FAM193A: variants seen among roughly 807,000 people sequenced by gnomAD.
FAM193A encodes the protein family with sequence similarity 193 member A.
FAM193A carries 22 observed loss-of-function variants against 126.5 expected under a neutral mutation model. The ratio of observed to expected loss-of-function variants is 0.17; its 90% CI spans 0.12 to 0.25. The LOEUF (loss-of-function observed/expected upper bound fraction) is 0.25. FAM193A is among the 10% of genes least tolerant of loss of function. The pLI, the probability that FAM193A is intolerant of heterozygous loss-of-function variation, is 1.00. For missense variants in FAM193A, 1,675 were observed against 1,672.8 expected (o/e 1.00, Z -0.02); for synonymous variants, 761 against 646.8 (o/e 1.18, Z -2.68).
At chr4:2,559,578 G>A (rs1049945913) in intron 1 of FAM193A, among the ~76,000 whole-genome samples, 1 of 152,126 alleles carries the variant, frequency 6.6e-6, no homozygotes, top group Non-Finnish European at 1.5e-5. Context: ...TTACAGGCGT[G>A]AGCCACTTTG....
intron 1 of FAM193A, among the ~76,000 whole-genome samples, chr4:2,595,000 G>A (rs1740780664): frequency 6.7e-6 from 1 of 149,770 alleles, no homozygotes; most frequent in South Asian, 2.1e-4. Context: ...AGCTAATTTT[G>A]TGTTTTTAAT....
intron 13 of FAM193A, among the ~76,000 whole-genome samples, chr4:2,684,685 G>A (rs1313266839): frequency 6.6e-6 from 1 of 152,176 alleles, no homozygotes; most frequent in African/African-American, 2.4e-5. Context: ...AGGGCCTCCA[G>A]ACTGCTGCCC....
At chr4:2,566,841 G>C (rs1456284444) in intron 1 of FAM193A, among the ~76,000 whole-genome samples, 1 of 152,002 alleles carries the variant, frequency 6.6e-6, no homozygotes, top group Non-Finnish European at 1.5e-5. Context: ...ATAGTGTCTT[G>C]AACTTATTAA....
chr4:2,555,779 A>G (rs1738218338), intron 1 of FAM193A, among the ~76,000 whole-genome samples: 4 of 145,080 alleles, frequency 2.8e-5, no homozygotes, highest in Admixed American at 2.7e-4. Flanking sequence ...CACCACACCC[A>G]GAGAATTTTT....
intron 17 of FAM193A, 140 bp from the exon 18 acceptor site, chr4:2,696,223 C>A: frequency 1.6e-6 from 1 of 616,292 alleles, no homozygotes. Flanking sequence ...TCTTTTTCTG[C>A]TGGTTGTTGT....
At chr4:2,613,544 C>G (rs545589059) in intron 2 of FAM193A, among the ~76,000 whole-genome samples, 2 of 151,566 alleles carry the variant, frequency 1.3e-5, no homozygotes, top group African/African-American at 4.9e-5. Context: ...ACCTCTGCCT[C>G]CTGGGTTCAA....
chr4:2,632,736 A>G (rs372359911), intron 5 of FAM193A, among the ~76,000 whole-genome samples: 5 of 152,102 alleles, frequency 3.3e-5, no homozygotes, highest in Non-Finnish European at 5.9e-5. Flanking sequence ...GTCTGAGTCC[A>G]CTGGGTAGTG....
Position 2,693,658 on chromosome 4 carries a change from C to A in FAM193A, c.2876C>A (p.Thr959Lys). 2 of 1,614,216 alleles carry A rather than the reference C, an allele frequency of 1.2e-6. No homozygotes were observed. The highest frequency in any genetic ancestry group is 8.5e-7 in the Non-Finnish European group (1 of 1,180,016). Residue 959 changes from threonine to lysine, a missense_variant, in exon 16 of 21, where the codon ACG (threonine) becomes AAG (lysine). Physicochemically the swap from Thr to Lys is moderately conservative, Grantham distance 78. This residue lies in a region of FAM193A where 1,186 missense variants were observed against 1,109.2 expected (regional missense o/e 1.07). Transcript: ENST00000637812. ...CCAGCCGCCCCGAGGAATAGCCCCACGGGCTTGGCCCCCCTCCCAGCGCTC... is the reference window on the plus strand; with the variant it reads ...CCAGCCGCCCCGAGGAATAGCCCCAAGGGCTTGGCCCCCCTCCCAGCGCTC... ...SAPAAPRNSPTGLAPLPALSP... is the reference protein window; with the variant it reads ...SAPAAPRNSPKGLAPLPALSP...
At position 2,590,463 on chromosome 4, in the gene FAM193A, C is replaced by CAAAAAAAAAAAAAAA. The variant is rs774897240; in HGVS notation, c.256-5609_256-5608insAAAAAAAAAAAAAAA. ...CTGGTGACAGAGCGAGACTCCATCT[C>CAAAAAAAAAAAAAAA]AAAAAAAAAAAACAAAAAAAAACAA... On this transcript the variant is annotated intron_variant, in intron 1 of 20. Coordinates refer to ENST00000637812, the MANE Select transcript of FAM193A (RefSeq NM_001366318.2). 2.2e-4 allele frequency among the ~76,000 whole-genome samples: 3 copies of CAAAAAAAAAAAAAAA among 13,560 alleles called. 1 individual carries two copies. Among genetic ancestry groups the CAAAAAAAAAAAAAAA allele is most frequent in the Non-Finnish European group, 4.2e-4 (3 of 7,110 alleles). 8.9% of individuals were successfully genotyped at this position (13,560 alleles called of 152,430 possible). A position where few individuals can be genotyped will look rare whatever the true frequency, so the allele number is the denominator to read the frequency against.
chr4:2,568,597 C>T (rs1739106021), intron 1 of FAM193A, among the ~76,000 whole-genome samples: 1 of 152,144 alleles, frequency 6.6e-6, no homozygotes, highest in African/African-American at 2.4e-5. Flanking sequence ...AGAGGCCAGC[C>T]AATTTCGTCT....
chr4:2,726,460 A>G (rs1287971607), intron 20 of FAM193A, among the ~76,000 whole-genome samples: 1 of 152,076 alleles, frequency 6.6e-6, no homozygotes, highest in Non-Finnish European at 1.5e-5. Context: ...GTTTCAGGGA[A>G]AAAAAAGGGA....
chr4:2,666,313 C>T (rs529338208), intron 12 of FAM193A, among the ~76,000 whole-genome samples: 1 of 152,224 alleles, frequency 6.6e-6, no homozygotes, highest in East Asian at 1.9e-4. Context: ...TGTGTCACAT[C>T]AGTTGATTTA....
intron 2 of FAM193A, chr4:2,608,060 G>A: frequency 1.9e-6 from 3 of 1,610,170 alleles, no homozygotes; most frequent in African/African-American, 1.3e-5. Flanking sequence ...AAATTGCAGA[G>A]TGTAAGGTGA....
chr4:2,558,443 G>A (rs923985946), intron 1 of FAM193A, among the ~76,000 whole-genome samples: 1 of 152,088 alleles, frequency 6.6e-6, no homozygotes, highest in African/African-American at 2.4e-5. Context: ...GTGCAATTCC[G>A]CCGTCATAGC....
At chr4:2,672,394 C>G in intron 13 of FAM193A, 22 bp downstream of exon 13, 1 of 1,612,470 alleles carries the variant, frequency 6.2e-7, no homozygotes, top group South Asian at 1.1e-5. Flanking sequence ...CAAAAAGGGT[C>G]TGAAAGCTCA....
intron 1 of FAM193A, among the ~76,000 whole-genome samples, chr4:2,591,201 T>C (rs1202431098): frequency 1.3e-5 from 2 of 151,860 alleles, no homozygotes; most frequent in Non-Finnish European, 2.9e-5. Context: ...GATTGGTGTT[T>C]TAGGGAAGCA....
rs374274025 is a variant in FAM193A, at chr4:2,543,299, G to A, written c.255+6129G>A. On this transcript the variant is annotated intron_variant, in intron 1 of 20. Coordinates refer to ENST00000637812, the MANE Select transcript of FAM193A (RefSeq NM_001366318.2). Reference sequence around the variant, plus strand: ...AGACAGGGTTTCATCATGTTAGCCAGGATGGTCTCGATCTCCTGACCTCGT... The same window carrying A: ...AGACAGGGTTTCATCATGTTAGCCAAGATGGTCTCGATCTCCTGACCTCGT... Among the ~76,000 whole-genome samples the A allele has an allele frequency of 3.9e-5, 6 of 151,934 alleles. No homozygotes were observed. The South Asian group carries it at 1.0e-3, about 26-fold the overall frequency.
At chr4:2,678,067 C>T (rs370925354) in intron 13 of FAM193A, among the ~76,000 whole-genome samples, 22 of 151,546 alleles carry the variant, frequency 1.5e-4, no homozygotes, top group African/African-American at 5.3e-4. Flanking sequence ...GGCATGATCC[C>T]GCTCACTGCA....
rs775155821 is a variant in FAM193A, at chr4:2,699,750, G to C, written c.3578G>C (p.Arg1193Thr). Residue 1193 changes from arginine (R) to threonine (T), a missense_variant, in exon 19 of 21, where the codon AGG (arginine) becomes ACG (threonine). Arg to Thr is a moderately conservative substitution (Grantham distance 71, BLOSUM62 -1). This residue lies in a region of FAM193A where 415 missense variants were observed against 396.7 expected (regional missense o/e 1.05). Transcript: ENST00000637812. Reference protein sequence around the residue: ...REHLHLQEEQRRREEEEDEEE... With the variant: ...REHLHLQEEQTRREEEEDEEE... ...CACCTGCACCTCCAGGAGGAGCAGA[G>C]GCGGCGGGAGGAGGAGGAGGATGAG... The C allele has an allele frequency of 1.2e-6, 2 of 1,614,036 alleles. No individual in the cohort carries two copies. The highest frequency in any genetic ancestry group is 1.1e-5 in the South Asian group (1 of 91,072).
Sources: gnomAD v4.1 joint callset for allele counts (sites outside exome capture counted in the v4.1 genomes callset) on GRCh38, gnomAD v4.1.1 for gene constraint, gnomAD v4.1.1 regional missense constraint, MANE v1.5 for transcripts, NCBI Gene and HGNC (gene_info 2026-07-23, HGNC 2026-07-21) for gene names.